RERE: variants seen among roughly 807,000 people sequenced by gnomAD.
The protein encoded by RERE is arginine-glutamic acid dipeptide repeats, also known as arginine-glutamic acid dipeptide repeats protein.
Under a neutral mutation model 146.1 loss-of-function variants are expected in RERE, and 40 were observed. That is an observed-to-expected ratio of 0.27 (90% confidence interval 0.21 to 0.36). RERE has a LOEUF of 0.36. Among genes scored for constraint, RERE ranks in the 10% least tolerant of loss-of-function variants. The pLI is 1.00. For missense variants in RERE, 1,933 were observed against 2,138.7 expected (o/e 0.90, Z 1.90); for synonymous variants, 1,003 against 866.0 (o/e 1.16, Z -2.78).
chr1:8,722,203 A>C (rs192249039), intron 1 of RERE, among the ~76,000 whole-genome samples: 2 of 152,246 alleles, frequency 1.3e-5, no homozygotes, highest in African/African-American at 4.8e-5. Flanking sequence ...TGACAGAAAC[A>C]CAACTCAATC....
At chr1:8,601,605 C>A (rs1333563576) in intron 4 of RERE, among the ~76,000 whole-genome samples, 1 of 147,250 alleles carries the variant, frequency 6.8e-6, no homozygotes, top group Non-Finnish European at 1.5e-5. Flanking sequence ...TTAATCCCAA[C>A]TGCCTTCATG....
rs1643929327 is a variant in RERE, at chr1:8,422,792, C to T, written c.1219G>A (p.Gly407Arg). The T allele has an allele frequency of 6.2e-7, 1 of 1,613,486 alleles. No homozygotes were observed. Among genetic ancestry groups the T allele is most frequent in the Non-Finnish European group, 8.5e-7 (1 of 1,179,604 alleles). ...TEDEVKRFVK[G>R]LRQYGKNFFR... ...AAGTTCTTCCCGTACTGCCTGAGTC[C>T]CTTAACGAAGCGTTTCTGTGATAAA... The change falls in exon 12 of 23, where the codon GGA (glycine) becomes AGA (arginine). Residue 407 changes from glycine to arginine, a missense_variant. Gly to Arg is a moderately radical substitution (Grantham distance 125). Transcript: ENST00000400908.
At chr1:8,722,280 A>G (rs1220712297) in intron 1 of RERE, among the ~76,000 whole-genome samples, 2 of 152,212 alleles carry the variant, frequency 1.3e-5, no homozygotes, top group African/African-American at 2.4e-5. Context: ...CTTGGCTATC[A>G]AACCAATGTT....
intron 2 of RERE, among the ~76,000 whole-genome samples, chr1:8,636,855 T>A (rs1412520068): frequency 6.6e-6 from 1 of 152,090 alleles, no homozygotes; most frequent in Non-Finnish European, 1.5e-5. Context: ...GGAGGCCACA[T>A]ACAATGGAGT....
intron 1 of RERE, among the ~76,000 whole-genome samples, chr1:8,808,574 C>T (rs1641733257): frequency 6.6e-6 from 1 of 152,142 alleles, no homozygotes; most frequent in African/African-American, 2.4e-5. Flanking sequence ...CTCAATTTTA[C>T]AGATGAGGAA....
intron 1 of RERE, among the ~76,000 whole-genome samples, chr1:8,799,873 G>A (rs966939563): frequency 1.9e-4 from 29 of 151,290 alleles, no homozygotes; most frequent in African/African-American, 6.3e-4. Context: ...GTGCAGTGGC[G>A]CAATTTCCGC....
chr1:8,547,190 G>A (rs981412042), intron 6 of RERE, among the ~76,000 whole-genome samples: 1 of 151,504 alleles, frequency 6.6e-6, no homozygotes, highest in African/African-American at 2.4e-5. Flanking sequence ...GTAATTCAGA[G>A]TGTAGTGCTG....
At chr1:8,512,074 C>G (rs1343510074) in intron 7 of RERE, among the ~76,000 whole-genome samples, 1 of 122,120 alleles carries the variant, frequency 8.2e-6, no homozygotes, top group Non-Finnish European at 1.7e-5. Flanking sequence ...TCGCCCAGGC[C>G]GGACTGCAGA....
At chr1:8,804,725 TGTGAGAAAGTGGAG>T (rs996555532) in intron 1 of RERE, among the ~76,000 whole-genome samples, 3 of 149,972 alleles carry the variant, frequency 2.0e-5, no homozygotes, top group African/African-American at 7.3e-5. Flanking sequence ...GCAGAACTGA[TGTGAGAAAGTGGAG>T]AAGCCACCTC....
chr1:8,519,483 G>T (rs1413187651), intron 7 of RERE, among the ~76,000 whole-genome samples: 2 of 152,114 alleles, frequency 1.3e-5, no homozygotes, highest in Admixed American at 1.3e-4. Flanking sequence ...TTTGCTCTGT[G>T]ATTTTGAGGA....
chr1:8,385,300 C>T (rs3765971), intron 12 of RERE, among the ~76,000 whole-genome samples: 103,791 of 152,108 alleles, frequency 0.68, 35,835 homozygotes, highest in East Asian at 0.91. Context: ...CTACTGACAG[C>T]CCCATGCTTC....
chr1:8,663,056 G>A (rs1351350687), intron 1 of RERE, among the ~76,000 whole-genome samples: 1 of 152,128 alleles, frequency 6.6e-6, no homozygotes, highest in African/African-American at 2.4e-5. Context: ...AAGATATAAA[G>A]GTAGCCAAAA....
chr1:8,738,995 T>G (rs1483379596), intron 1 of RERE, among the ~76,000 whole-genome samples: 3 of 152,052 alleles, frequency 2.0e-5, no homozygotes, highest in African/African-American at 7.2e-5. Context: ...CCAAATATGC[T>G]CTCTCTTTAT....
intron 1 of RERE, among the ~76,000 whole-genome samples, chr1:8,751,697 G>T (rs1298657732): frequency 2.0e-5 from 3 of 151,330 alleles, no homozygotes; most frequent in Non-Finnish European, 2.9e-5. Flanking sequence ...TCATACAGAC[G>T]TCCTCAGAGA....
intron 2 of RERE, 53 bp downstream of exon 2, chr1:8,655,920 A>C (rs1638269933): frequency 6.3e-7 from 1 of 1,576,184 alleles, no homozygotes; most frequent in South Asian, 1.2e-5. Flanking sequence ...CATAATGCCA[A>C]GATCATTCCC....
chr1:8,630,312 C>T lies in RERE; in HGVS notation c.326-5932G>A, dbSNP rs1295851968. Among the ~76,000 whole-genome samples, 28 of 152,020 alleles carry T rather than the reference C, an allele frequency of 1.8e-4. 1 individual carries two copies. The highest frequency in any genetic ancestry group is 4.1e-4 in the Non-Finnish European group (28 of 68,022). ...AACCATAAAACAGCCAAACCCATCA[C>T]CATTCCTCAACTCTATAAACAATGC... On this transcript the variant is annotated intron_variant, in intron 2 of 22. Coordinates refer to ENST00000400908, the MANE Select transcript of RERE (RefSeq NM_001042681.2).
chr1:8,603,041 T>A (rs980367650), intron 4 of RERE, among the ~76,000 whole-genome samples: 1 of 152,186 alleles, frequency 6.6e-6, no homozygotes, highest in African/African-American at 2.4e-5. Flanking sequence ...TGACAGTGCC[T>A]CTCAGGCAGA....
At chr1:8,374,871 A>T (rs1642179234) in intron 12 of RERE, among the ~76,000 whole-genome samples, 1 of 151,820 alleles carries the variant, frequency 6.6e-6, no homozygotes, top group Non-Finnish European at 1.5e-5. Context: ...TGAGCCCCAT[A>T]CCACCCCCAC....
chr1:8,428,459 T>A (rs768975674), intron 11 of RERE: 1 of 152,262 alleles, frequency 6.6e-6, no homozygotes. Context: ...CTTACGTTTA[T>A]GATTTTGTGC....
Sources: allele counts gnomAD v4.1 joint callset (sites outside exome capture counted in the v4.1 genomes callset), GRCh38; gene constraint gnomAD v4.1.1; transcripts MANE v1.5; gene names NCBI Gene and HGNC (gene_info 2026-07-23, HGNC 2026-07-21).